The following FAM20A variants were observed in gnomAD, a reference collection of about 807,000 sequenced individuals.
The protein encoded by FAM20A is FAM20A golgi associated secretory pathway pseudokinase.
FAM20A carries 42 observed loss-of-function variants against 52.0 expected under a neutral mutation model. That is an observed-to-expected ratio of 0.81 (90% CI 0.63 to 1.04). The LOEUF is 1.04. Among genes scored for constraint, FAM20A ranks in the 50% least tolerant of loss-of-function variants. FAM20A has a pLI of 0.00. For missense variants in FAM20A, 742 were observed against 712.7 expected, an observed-to-expected ratio of 1.04 and a Z score of -0.47; for synonymous variants, 304 against 298.9, an observed-to-expected ratio of 1.02 and a Z score of -0.18.
chr17:68,560,445 A>G (rs1212976161), intron 1 of FAM20A, among the ~76,000 whole-genome samples: 4 of 152,100 alleles, frequency 2.6e-5, no homozygotes, highest in Non-Finnish European at 5.9e-5. Flanking sequence ...TCCTCACACT[A>G]GACACTGAAT....
At chr17:68,575,680 T>A (rs1343750466) in intron 1 of FAM20A, among the ~76,000 whole-genome samples, 66 of 122,992 alleles carry the variant, frequency 5.4e-4, no homozygotes, top group Non-Finnish European at 8.4e-4. Flanking sequence ...TATATTATAT[T>A]TTTATATTTT....
chr17:68,597,903 T>C (rs12947816), intron 1 of FAM20A: 31,641 of 151,972 alleles, frequency 0.21, 3,445 homozygotes, highest in East Asian at 0.35. Flanking sequence ...TCCTCATATT[T>C]GGCAGGGAGC....
rs1188288741 is a variant in FAM20A at position 68,571,979 on chromosome 17, T to TATAC, written c.405-16240_405-16237dup. Among the ~76,000 whole-genome samples, 318 of 60,620 alleles carry TATAC rather than the reference T, an allele frequency of 5.2e-3. 6 individuals are homozygous for TATAC. Among genetic ancestry groups the TATAC allele is most frequent in the African/African-American group, 0.017 (255 of 14,912 alleles). 39.8% of individuals were successfully genotyped at this position (60,620 alleles called of 152,430 possible). ...GTGTGTGTATATATATGTGTGTGTA[T>TATAC]ATACATACATATATATATATATATA... On this transcript the variant is annotated intron_variant, in intron 1 of 10. Transcript: ENST00000592554.
chr17:68,600,426 C>T lies in FAM20A; in HGVS notation c.241G>A (p.Ala81Thr). 6.2e-7 allele frequency: 1 copy of T among 1,611,030 alleles called. No homozygotes were observed. The highest frequency in any genetic ancestry group is 8.5e-7 in the Non-Finnish European group (1 of 1,178,940). ...CTCGACCCGCTGTGGCTGCCGCCAG[C>T]CGGTTCAGTCCGGGGCTCGGTTCGG... The part of the protein sequence containing the change: ...FSRTEPRTEP[A>T]GGSHSGSSSK... The change falls in exon 1 of 11, where the codon GCT becomes ACT. Residue 81 changes from alanine (A) to threonine (T), a missense_variant. By Grantham distance (58) the Ala-to-Thr change is moderately conservative. Coordinates refer to ENST00000592554, the MANE Select transcript of FAM20A (RefSeq NM_017565.4). The surrounding 1 kb of genome is among the most constrained non-coding windows in gnomAD (Gnocchi z 6.2).
intron 1 of FAM20A, among the ~76,000 whole-genome samples, chr17:68,567,318 G>T (rs68005369): frequency 0.16 from 23,701 of 151,878 alleles, 2,186 homozygotes; most frequent in East Asian, 0.34. Flanking sequence ...AAAATCAAGT[G>T]GTCATGGGCC....
chr17:68,538,833 T>A (rs1458639981), intron 10 of FAM20A, among the ~76,000 whole-genome samples: 1 of 152,196 alleles, frequency 6.6e-6, no homozygotes, highest in Non-Finnish European at 1.5e-5. Flanking sequence ...TGTGGAAGGA[T>A]GAAAAAGACA....
At position 68,536,630 on chromosome 17, in the gene FAM20A, G is replaced by A. The variant is rs1290255107; in HGVS notation, c.*847C>T. ...TCCTGGGGTCTTAGGGAAGAAGATT[G>A]TGGTTGGTGGGCTGTAGTCAGCCTT... On this transcript the variant is annotated 3_prime_UTR_variant, in exon 11 of 11. Coordinates refer to ENST00000592554, the MANE Select transcript of FAM20A (RefSeq NM_017565.4). 1 of 452,196 alleles carries A rather than the reference G, an allele frequency of 2.2e-6. No homozygotes were observed. Among genetic ancestry groups the A allele is most frequent in the South Asian group, 1.6e-5 (1 of 64,186 alleles). 28.0% of individuals were successfully genotyped at this position (452,196 alleles called of 1,614,324 possible).
rs933878663 is a variant in FAM20A at position 68,538,012 on chromosome 17, T to C, written c.1362-271A>G. Among the ~76,000 whole-genome samples, 13 of 152,352 alleles carry C rather than the reference T, an allele frequency of 8.5e-5. 1 individual carries two copies. In the East Asian group the frequency reaches 1.7e-3, roughly 20 times the overall value. ...TGGTGATGCTGGGCTATATGCATTT[T>C]CTCTGACAACGCTAAGGGAATCAAA... On this transcript the variant is annotated intron_variant, in intron 10 of 10. Coordinates refer to ENST00000592554, the MANE Select transcript of FAM20A (RefSeq NM_017565.4).
rs1490103419 is a variant in FAM20A, at chr17:68,591,262, T to C, written c.404+9001A>G. Among the ~76,000 whole-genome samples, 5 of 152,156 alleles carry C rather than the reference T, an allele frequency of 3.3e-5. No individual in the cohort carries two copies. The East Asian group carries it at 9.7e-4, about 30-fold the overall frequency. ...GCTGGGCGCCCGCCGCCACGCCCGG[T>C]TAATTTTTTTGTATTTTTAGTAGAG... is the stretch of plus-strand genomic sequence containing the variant. On this transcript the variant is annotated intron_variant, in intron 1 of 10. Coordinates refer to ENST00000592554, the MANE Select transcript of FAM20A (RefSeq NM_017565.4).
rs1038515119 is a variant in FAM20A, at chr17:68,552,883, C to T, written c.641-932G>A. 6.8e-5 allele frequency among the ~76,000 whole-genome samples: 8 copies of T among 117,680 alleles called. 1 individual carries two copies. The highest frequency in any genetic ancestry group is 5.5e-4 in the South Asian group (2 of 3,638). The allele number at this position is 117,680 out of a possible 152,430, so 77.2% of individuals were successfully genotyped here. A position where few individuals can be genotyped will look rare whatever the true frequency, so the allele number is the denominator to read the frequency against. Reference sequence around the variant, plus strand: ...TTTTTAGTAGAGACGGGGTTTCACCCTGTTAGCCAGGATGGTCTCGATCTC... The same window carrying T: ...TTTTTAGTAGAGACGGGGTTTCACCTTGTTAGCCAGGATGGTCTCGATCTC... On this transcript the variant is annotated intron_variant, in intron 3 of 10. Coordinates refer to ENST00000592554, the MANE Select transcript of FAM20A (RefSeq NM_017565.4).
At chr17:68,557,382 T>C (rs770792050) in intron 1 of FAM20A, 2 of 152,040 alleles carry the variant, frequency 1.3e-5, no homozygotes, top group Non-Finnish European at 2.9e-5. Context: ...GTATTGGAGA[T>C]GGGGCCTCTG....
At chr17:68,566,855 G>A (rs1157832430) in intron 1 of FAM20A, among the ~76,000 whole-genome samples, 2 of 152,190 alleles carry the variant, frequency 1.3e-5, no homozygotes, top group African/African-American at 4.8e-5. Flanking sequence ...AAAATAAACG[G>A]TCAACATGAA....
At chr17:68,547,940 A>ATTT (rs1345793025) in intron 4 of FAM20A, among the ~76,000 whole-genome samples, 1 of 152,152 alleles carries the variant, frequency 6.6e-6, no homozygotes, top group Non-Finnish European at 1.5e-5. Flanking sequence ...CTCGCTTCCC[A>ATTT]TTTAAAGTGA....
intron 1 of FAM20A, among the ~76,000 whole-genome samples, chr17:68,571,999 TATA>T (rs2087561113): frequency 5.8e-5 from 2 of 34,384 alleles, no homozygotes; most frequent in Non-Finnish European, 1.1e-4. Context: ...TATATATATA[TATA>T]TATATATATA....
intron 1 of FAM20A, among the ~76,000 whole-genome samples, chr17:68,556,287 A>T (rs1328507645): frequency 6.6e-6 from 1 of 152,194 alleles, no homozygotes; most frequent in Non-Finnish European, 1.5e-5. Flanking sequence ...TGAGCCATTT[A>T]CTGTTTGTTC....
chr17:68,554,004 A>G (rs2086967827), intron 3 of FAM20A, among the ~76,000 whole-genome samples: 1 of 125,940 alleles, frequency 7.9e-6, no homozygotes, highest in Non-Finnish European at 1.6e-5. Flanking sequence ...ACACACATAT[A>G]TGCATATATA....
At chr17:68,556,154 A>G (rs34105747) in intron 1 of FAM20A, among the ~76,000 whole-genome samples, 24,110 of 152,160 alleles carry the variant, frequency 0.16, 1,957 homozygotes, top group South Asian at 0.18. Context: ...CCAGTATTTT[A>G]TGTTCCAAAG....
chr17:68,540,942 G>A lies in FAM20A; in HGVS notation c.1126C>T (p.Leu376Phe). Residue 376 changes from leucine (L) to phenylalanine (F), a missense_variant, in exon 8 of 11, where the codon CTT becomes TTT. Physicochemically the swap from Leu to Phe is conservative, Grantham distance 22 (BLOSUM62 0). Coordinates refer to ENST00000592554, the MANE Select transcript of FAM20A (RefSeq NM_017565.4). ...ATCTGTTTCACTGTGTCACAGTAAAGGGGATTGACCTCCCACCTGAGGGGG... is the reference window on the plus strand; with the variant it reads ...ATCTGTTTCACTGTGTCACAGTAAAAGGGATTGACCTCCCACCTGAGGGGG... ...AGKEEWEVNPLYCDTVKQIYP... is the reference protein window; with the variant it reads ...AGKEEWEVNPFYCDTVKQIYP... 1 of 1,593,814 alleles carries A rather than the reference G, an allele frequency of 6.3e-7. No homozygotes were observed. Among genetic ancestry groups the A allele is most frequent in the Non-Finnish European group, 8.6e-7 (1 of 1,169,216 alleles).
chr17:68,573,464 T>G (rs936090970), intron 1 of FAM20A, among the ~76,000 whole-genome samples: 4 of 145,390 alleles, frequency 2.8e-5, no homozygotes, highest in African/African-American at 1.1e-4. Context: ...TTCTTCTTTC[T>G]TTCTTTCTTT....
Sources: gnomAD v4.1 joint callset for allele counts (sites outside exome capture counted in the v4.1 genomes callset) on GRCh38, gnomAD v4.1.1 for gene constraint, Gnocchi (gnomAD v3.1) non-coding constraint, MANE v1.5 for transcripts, NCBI Gene and HGNC (gene_info 2026-07-23, HGNC 2026-07-21) for gene names.